Variants in AGBL4 observed in about 807,000 individuals in gnomAD.
The protein encoded by AGBL4 is cytosolic carboxypeptidase 6.
AGBL4 carries 58 observed loss-of-function variants against 66.4 expected under a neutral mutation model. That is an observed-to-expected ratio of 0.87 (90% CI 0.71 to 1.09). The LOEUF (loss-of-function observed/expected upper bound fraction) is 1.09, where lower values mean the gene tolerates loss of function less well. Ranked by LOEUF, AGBL4 falls within the 50% of genes least tolerant of loss-of-function variation. AGBL4 has a pLI of 0.00. For synonymous variants in AGBL4, 234 were observed against 222.9 expected (o/e 1.05, Z -0.44); for missense variants, 579 against 631.0 (o/e 0.92, Z 0.88).
intron 4 of AGBL4, among the ~76,000 whole-genome samples, chr1:49,180,428 A>G (rs1034480043): frequency 6.6e-6 from 1 of 152,252 alleles, no homozygotes; most frequent in African/African-American, 2.4e-5. Context: ...CCCCTGCTAA[A>G]TAATAGTCTC....
intron 6 of AGBL4, among the ~76,000 whole-genome samples, chr1:48,749,478 G>A (rs989912078): frequency 1.3e-5 from 2 of 152,190 alleles, no homozygotes; most frequent in African/African-American, 4.8e-5. Context: ...TAACTTGCCA[G>A]AAGTCACATA....
At chr1:49,801,968 G>C (rs970127244) in intron 2 of AGBL4, among the ~76,000 whole-genome samples, 6 of 152,152 alleles carry the variant, frequency 3.9e-5, no homozygotes, top group African/African-American at 1.4e-4. Context: ...ACATATCAGA[G>C]CATTATCTTC....
At chr1:48,652,440 C>G (rs1037082931) in intron 8 of AGBL4, among the ~76,000 whole-genome samples, 1 of 152,120 alleles carries the variant, frequency 6.6e-6, no homozygotes, top group African/African-American at 2.4e-5. Flanking sequence ...GGGAACTGGG[C>G]TTTCCTCAAC....
chr1:49,583,839 C>T (rs1288577415), intron 3 of AGBL4, among the ~76,000 whole-genome samples: 3 of 152,132 alleles, frequency 2.0e-5, no homozygotes, highest in East Asian at 1.9e-4. Flanking sequence ...AAATTAACTC[C>T]GAATCCTAAC....
At chr1:48,794,645 T>C (rs758819695) in intron 6 of AGBL4, among the ~76,000 whole-genome samples, 16 of 152,170 alleles carry the variant, frequency 1.1e-4, no homozygotes, top group Non-Finnish European at 2.2e-4. Context: ...CCAGAAAATG[T>C]TTTTCCTCTT....
rs374102641 is a variant in AGBL4 at position 48,717,079 on chromosome 1, G to A, written c.635-53838C>T. Among the ~76,000 whole-genome samples the A allele has an allele frequency of 6.6e-5, 10 of 152,306 alleles. No individual in the cohort carries two copies. In the East Asian group the frequency reaches 1.5e-3, roughly 24 times the overall value. ...TTCAGCTACACAGAAGAGCAGGCGC[G>A]GATAGTGCAGTGCAGTGCCCCATCC... On this transcript the variant is annotated intron_variant, in intron 6 of 13. Transcript: ENST00000371839.
At chr1:49,147,582 G>A (rs1646242796) in intron 4 of AGBL4, among the ~76,000 whole-genome samples, 1 of 152,122 alleles carries the variant, frequency 6.6e-6, no homozygotes, top group African/African-American at 2.4e-5. Context: ...CTCGTAAGAG[G>A]AGAAAAGTTG....
chr1:48,540,627 G>A (rs1644051252), intron 11 of AGBL4, among the ~76,000 whole-genome samples: 1 of 151,930 alleles, frequency 6.6e-6, no homozygotes, highest in Non-Finnish European at 1.5e-5. Flanking sequence ...TCCTGAACTG[G>A]CTTCATTCAA....
intron 1 of AGBL4, among the ~76,000 whole-genome samples, chr1:49,867,970 A>T (rs1328084936): frequency 6.6e-6 from 1 of 152,096 alleles, no homozygotes; most frequent in African/African-American, 2.4e-5. Context: ...TGTATTCAAG[A>T]GACCCAATAA....
At chr1:49,394,779 C>A (rs1644920765) in intron 3 of AGBL4, among the ~76,000 whole-genome samples, 1 of 152,138 alleles carries the variant, frequency 6.6e-6, no homozygotes, top group Non-Finnish European at 1.5e-5. Context: ...TCCGCCTCAG[C>A]AGGGAGGATG....
intron 4 of AGBL4, among the ~76,000 whole-genome samples, chr1:49,094,525 C>A (rs1047221582): frequency 1.5e-4 from 23 of 152,218 alleles, no homozygotes; most frequent in Admixed American, 7.2e-4. Context: ...CCTTGCATCC[C>A]AGGGATGAAG....
At chr1:49,197,568 T>G (rs1046896690) in intron 4 of AGBL4, among the ~76,000 whole-genome samples, 2 of 152,090 alleles carry the variant, frequency 1.3e-5, no homozygotes, top group African/African-American at 4.8e-5. Flanking sequence ...CGGGAACAGG[T>G]ATTGCTGGCC....
At chr1:49,815,391 G>A (rs575314270) in intron 2 of AGBL4, among the ~76,000 whole-genome samples, 1 of 152,174 alleles carries the variant, frequency 6.6e-6, no homozygotes, top group Non-Finnish European at 1.5e-5. Context: ...ATGTATACAT[G>A]TCACATTTTC....
At chr1:49,319,540 A>G (rs921061839) in intron 3 of AGBL4, among the ~76,000 whole-genome samples, 5 of 152,176 alleles carry the variant, frequency 3.3e-5, no homozygotes, top group African/African-American at 1.2e-4. Context: ...ATGGCTGATC[A>G]AACTCCAGCT....
chr1:49,862,786 G>A (rs1228365162), intron 1 of AGBL4, among the ~76,000 whole-genome samples: 1 of 152,122 alleles, frequency 6.6e-6, no homozygotes. Context: ...AGAATAGTAT[G>A]TCCAACAAAA....
intron 3 of AGBL4, among the ~76,000 whole-genome samples, chr1:49,371,248 G>C (rs9803886): frequency 0.11 from 15,414 of 137,728 alleles, 1,145 homozygotes; most frequent in African/African-American, 0.22. Flanking sequence ...TAGATAGATA[G>C]ATACATACAT....
At chr1:49,286,767 C>T (rs371196799) in intron 3 of AGBL4, among the ~76,000 whole-genome samples, 1 of 151,982 alleles carries the variant, frequency 6.6e-6, no homozygotes, top group Non-Finnish European at 1.5e-5. Context: ...GAATCAATAT[C>T]GTGAAAATGG....
At chr1:49,227,238 C>A (rs767669339) in intron 4 of AGBL4, among the ~76,000 whole-genome samples, 1 of 152,150 alleles carries the variant, frequency 6.6e-6, no homozygotes, top group Non-Finnish European at 1.5e-5. Flanking sequence ...AGAACAAAAT[C>A]TCTTTTTTTC....
intron 6 of AGBL4, among the ~76,000 whole-genome samples, chr1:48,712,205 T>A (rs1425478938): frequency 6.6e-6 from 1 of 152,142 alleles, no homozygotes; most frequent in Non-Finnish European, 1.5e-5. Flanking sequence ...TCCACACATA[T>A]CCCTTCCTTC....
Sources: gnomAD v4.1 joint callset for allele counts (sites outside exome capture counted in the v4.1 genomes callset) on GRCh38, gnomAD v4.1.1 for gene constraint, MANE v1.5 for transcripts, NCBI Gene and HGNC (gene_info 2026-07-23, HGNC 2026-07-21) for gene names.